Variants in MTCL1 observed in about 807,000 individuals in gnomAD.
MTCL1 encodes the protein microtubule cross-linking factor 1.
In MTCL1, 79 loss-of-function variants were observed where a neutral mutation model predicts 141.4. The ratio of observed to expected loss-of-function variants is 0.56; its 90% CI spans 0.47 to 0.67. The LOEUF is 0.67. MTCL1 is among the 30% of genes least tolerant of loss of function. MTCL1 has a pLI of 0.00. For missense variants in MTCL1, 2,177 were observed against 2,113.9 expected (o/e 1.03, Z -0.59); for synonymous variants, 914 against 875.8 (o/e 1.04, Z -0.77).
At chr18:8,723,432 C>G (rs2096186340) in intron 4 of MTCL1, among the ~76,000 whole-genome samples, 1 of 152,138 alleles carries the variant, frequency 6.6e-6, no homozygotes, top group Non-Finnish European at 1.5e-5. Flanking sequence ...GGATGTGTGA[C>G]CTCCTGAAAA....
chr18:8,726,961 C>T (rs550102935), intron 4 of MTCL1, among the ~76,000 whole-genome samples: 13 of 152,256 alleles, frequency 8.5e-5, no homozygotes, highest in Admixed American at 2.6e-4. Context: ...CCATTCTCCC[C>T]GCTTAAGGAC....
In MTCL1 at chr18:8,764,278, A is replaced by G. The variant is rs538449431; in HGVS notation, c.358-13555A>G. 1.9e-4 allele frequency among the ~76,000 whole-genome samples: 29 copies of G among 151,622 alleles called. No individual in the cohort carries two copies. The South Asian group carries it at 4.2e-3, about 22-fold the overall frequency. On this transcript the variant is annotated intron_variant, in intron 4 of 16. Transcript: ENST00000359865. The stretch of plus-strand genomic sequence containing the variant: ...CTTGTTAAGCAAATTACTTCATTTG[A>G]TCTTTAAAAGAATGCTTTATATAAG...
At chr18:8,826,772 G>T (rs2077040906) in intron 15 of MTCL1, among the ~76,000 whole-genome samples, 1 of 152,154 alleles carries the variant, frequency 6.6e-6, no homozygotes, top group Admixed American at 6.5e-5. Context: ...CCTCTTTGTG[G>T]CCATGAGCCC....
At chr18:8,823,946 G>A (rs184889303) in intron 14 of MTCL1, among the ~76,000 whole-genome samples, 2 of 152,346 alleles carry the variant, frequency 1.3e-5, no homozygotes, top group East Asian at 3.9e-4. Flanking sequence ...GTTTAAGCCT[G>A]TGCTTTGTGG....
chr18:8,803,695 A>G (rs77921972), intron 10 of MTCL1, among the ~76,000 whole-genome samples: 2,214 of 152,300 alleles, frequency 0.015, 51 homozygotes, highest in Admixed American at 0.053. Flanking sequence ...CTTCACCCCA[A>G]AGCAATTCTG....
At chr18:8,784,662 C>A (rs909040224) in exon 6 of MTCL1, 2 of 1,613,984 alleles carry the variant, frequency 1.2e-6, no homozygotes, top group African/African-American at 2.7e-5. Context: ...ACCATCAACG[C>A]CAAGATGAAG....
At chr18:8,783,658 C>A (rs761800231) in exon 6 of MTCL1, 1 of 1,612,876 alleles carries the variant, frequency 6.2e-7, no homozygotes, top group East Asian at 2.2e-5. Flanking sequence ...AGTACAAGTC[C>A]CTCTATGGGG....
intron 3 of MTCL1, 38 bp from the exon 3 acceptor site, chr18:8,720,300 C>T: frequency 6.2e-7 from 1 of 1,608,946 alleles, no homozygotes; most frequent in Non-Finnish European, 8.5e-7. Context: ...ACACAAAAAG[C>T]CTCATATCCT....
At chr18:8,805,775 G>T (rs1284383725) in intron 10 of MTCL1, among the ~76,000 whole-genome samples, 1 of 152,166 alleles carries the variant, frequency 6.6e-6, no homozygotes, top group East Asian at 1.9e-4. Flanking sequence ...CACCAAAAAA[G>T]AATGCCCTGA....
intron 4 of MTCL1, among the ~76,000 whole-genome samples, chr18:8,726,472 GGAGAGA>G (rs374393768): frequency 6.8e-5 from 9 of 131,594 alleles, no homozygotes; most frequent in African/African-American, 8.7e-5. Flanking sequence ...GAGAATAAGA[GGAGAGA>G]GAGAGAGAGA....
intron 5 of MTCL1, among the ~76,000 whole-genome samples, 194 bp from the exon 5 acceptor site, chr18:8,783,336 G>GC (rs1378438905): frequency 2.0e-5 from 3 of 151,808 alleles, no homozygotes; most frequent in Non-Finnish European, 2.9e-5. Flanking sequence ...CCTTTCACAG[G>GC]CCCCCTCCAC....
At position 8,826,070 on chromosome 18, in the gene MTCL1, T is replaced by TC; in HGVS notation, c.4565dup (p.Gly1523TrpfsTer6). On this transcript the variant is annotated frameshift_variant, in exon 15 of 17. Coordinates refer to ENST00000359865, the Ensembl canonical transcript of MTCL1. LOFTEE classifies it high-confidence loss of function. ...CGCCAGTGAAGCAGGACTTATCTGC[T>TC]CCCCCTGGCTACACGCTCACTGAGA... The TC allele has an allele frequency of 6.2e-7, 1 of 1,610,764 alleles. No homozygotes were observed. The highest frequency in any genetic ancestry group is 8.5e-7 in the Non-Finnish European group (1 of 1,178,478).
Position 8,830,031 on chromosome 18 carries a change from A to G in MTCL1, c.*18+1067A>G. On this transcript the variant is annotated intron_variant, in intron 16 of 16. Transcript: ENST00000359865. This position sits in a 1 kb window ranked among gnomAD's most constrained non-coding sequence, Gnocchi z 6.4. ...TAAACCTATGACAGCAGCTTCACCA[A>G]CACACAACACACACAGAACAGATAC... 1.0e-6 allele frequency: 1 copy of G among 985,526 alleles called. No homozygotes were observed. The allele number at this position is 985,526 out of a possible 1,614,324, so 61.0% of individuals were successfully genotyped here. A position where few individuals can be genotyped will look rare whatever the true frequency, so the allele number is the denominator to read the frequency against.
intron 4 of MTCL1, among the ~76,000 whole-genome samples, chr18:8,772,616 ATATT>A (rs1174593641): frequency 7.3e-5 from 11 of 150,672 alleles, no homozygotes; most frequent in Non-Finnish European, 1.2e-4. Flanking sequence ...TATGTGTTAT[ATATT>A]AGTATTTAAT....
chr18:8,783,976 C>A (rs777313986), exon 6 of MTCL1: 2 of 1,613,788 alleles, frequency 1.2e-6, no homozygotes, highest in East Asian at 4.5e-5. Flanking sequence ...CGGAGTTGCT[C>A]CGGAGGTCCA....
At chr18:8,800,032 C>T (rs1321188931) in intron 10 of MTCL1, among the ~76,000 whole-genome samples, 3 of 152,178 alleles carry the variant, frequency 2.0e-5, no homozygotes, top group African/African-American at 4.8e-5. Flanking sequence ...CCAAGTGGGC[C>T]AGTGTTCACA....
At chr18:8,785,965 G>C (rs2096552223) in exon 7 of MTCL1, 1 of 1,598,970 alleles carries the variant, frequency 6.3e-7, no homozygotes, top group Non-Finnish European at 8.5e-7. Context: ...TGGAGTGGCA[G>C]CTCGGGCCGG....
At chr18:8,712,339 T>C (rs2096098189) in intron 1 of MTCL1, among the ~76,000 whole-genome samples, 1 of 152,222 alleles carries the variant, frequency 6.6e-6, no homozygotes, top group Non-Finnish European at 1.5e-5. Flanking sequence ...GATCCAAGCT[T>C]ACCATCCTGC....
In MTCL1 at chr18:8,746,123, T is replaced by C. The variant is rs185079102; in HGVS notation, c.357+25627T>C. On this transcript the variant is annotated intron_variant, in intron 4 of 16. Coordinates refer to ENST00000359865, the Ensembl canonical transcript of MTCL1. ...ATATTCTATGGTACTCCACATTGAGTTGATCTGTTTATCCATCAATAAACA... is the reference window on the plus strand; with the variant it reads ...ATATTCTATGGTACTCCACATTGAGCTGATCTGTTTATCCATCAATAAACA... Among the ~76,000 whole-genome samples, 434 of 152,348 alleles carry C rather than the reference T, an allele frequency of 2.8e-3. 4 individuals are homozygous for C. Among genetic ancestry groups the C allele is most frequent in the Middle Eastern group, 0.014 (4 of 294 alleles).
Sources: allele counts gnomAD v4.1 joint callset (sites outside exome capture counted in the v4.1 genomes callset), GRCh38; gene constraint gnomAD v4.1.1; non-coding constraint Gnocchi (gnomAD v3.1); transcripts MANE v1.5; gene names NCBI Gene and HGNC (gene_info 2026-07-23, HGNC 2026-07-21).